Variants in UACA observed in about 807,000 individuals in gnomAD.
UACA encodes uveal autoantigen with coiled-coil domains and ankyrin repeats.
In UACA, 112 loss-of-function variants were observed where a neutral mutation model predicts 160.5. That is an observed-to-expected ratio of 0.70 (90% confidence interval 0.60 to 0.82). The LOEUF is 0.82. Among genes scored for constraint, UACA ranks in the 40% least tolerant of loss-of-function variants. The pLI, the probability that UACA is intolerant of heterozygous loss-of-function variation, is 0.00. For synonymous variants in UACA, 557 were observed against 568.4 expected (o/e 0.98, Z 0.29); for missense variants, 1,574 against 1,614.6 (o/e 0.97, Z 0.43).
chr15:70,684,531 T>C lies in UACA; in HGVS notation c.603-85A>G, dbSNP rs1897639470. On this transcript the variant is annotated intron_variant, in intron 7 of 18. Transcript: ENST00000322954. Reference sequence around the variant, plus strand: ...TATTCTGCCCTATTGTTGAACACTGTCTTAGTGTTCACTGGATAAACTAGA... The same window carrying C: ...TATTCTGCCCTATTGTTGAACACTGCCTTAGTGTTCACTGGATAAACTAGA... The C allele has an allele frequency of 1.3e-4, 175 of 1,345,184 alleles. 1 individual carries two copies. In the South Asian group the frequency reaches 2.5e-3, roughly 19 times the overall value. The allele number at this position is 1,345,184 out of a possible 1,614,324, so 83.3% of individuals were successfully genotyped here. A position where few individuals can be genotyped will look rare whatever the true frequency, so the allele number is the denominator to read the frequency against.
chr15:70,763,313 C>T lies in UACA; in HGVS notation c.78+17G>A. The T allele has an allele frequency of 7.5e-7, 1 of 1,327,094 alleles. No individual in the cohort carries two copies. The highest frequency in any genetic ancestry group is 4.2e-5 in the Admixed American group (1 of 24,066). The allele number at this position is 1,327,094 out of a possible 1,614,324, so 82.2% of individuals were successfully genotyped here. On this transcript the variant is annotated intron_variant, in intron 1 of 18. Transcript: ENST00000322954. ...TCCCGGAGCGGAGCGCCTCGCAGCC[C>T]GGACCGCGGGACTCACCGCGCTGGC... is the stretch of plus-strand genomic sequence containing the variant.
chr15:70,656,353 A>C lies in UACA; in HGVS notation c.*703T>G, dbSNP rs1241388071. On this transcript the variant is annotated 3_prime_UTR_variant, in exon 19 of 19. Transcript: ENST00000322954. ...ATATTGTGGCAAGAATAGTCACCGCAAGTAAAAATTAAGATACTGTTGTAG... is the reference window on the plus strand; with the variant it reads ...ATATTGTGGCAAGAATAGTCACCGCCAGTAAAAATTAAGATACTGTTGTAG... 1 of 152,168 alleles carries C rather than the reference A, an allele frequency of 6.6e-6. No homozygotes were observed. The highest frequency in any genetic ancestry group is 2.4e-5 in the African/African-American group (1 of 41,436). The allele number at this position is 152,168 out of a possible 1,614,324, so 9.4% of individuals were successfully genotyped here.
intron 1 of UACA, among the ~76,000 whole-genome samples, chr15:70,718,222 T>C (rs1039507726): frequency 1.7e-5 from 2 of 118,928 alleles, no homozygotes; most frequent in African/African-American, 6.4e-5. Context: ...CCTGCTTCCT[T>C]ACAAGGTGAG....
chr15:70,656,977 C>T lies in UACA; in HGVS notation c.*79G>A. The T allele has an allele frequency of 8.6e-7, 1 of 1,167,618 alleles. No individual in the cohort carries two copies. The highest frequency in any genetic ancestry group is 1.3e-6 in the Non-Finnish European group (1 of 782,902). The allele number at this position is 1,167,618 out of a possible 1,614,324, so 72.3% of individuals were successfully genotyped here. On this transcript the variant is annotated 3_prime_UTR_variant, in exon 19 of 19. Transcript: ENST00000322954. ...TTTTAATTATACCAGCACAGTAAGGCCCAGAAAGACCATGGAGTTGCACAA... is the reference window on the plus strand; with the variant it reads ...TTTTAATTATACCAGCACAGTAAGGTCCAGAAAGACCATGGAGTTGCACAA...
intron 1 of UACA, among the ~76,000 whole-genome samples, chr15:70,755,330 T>C (rs758954280): frequency 3.3e-5 from 5 of 151,830 alleles, no homozygotes; most frequent in Admixed American, 6.6e-5. Context: ...TGAACAGTGA[T>C]CTAAACTTGT....
intron 1 of UACA, among the ~76,000 whole-genome samples, chr15:70,752,914 A>G (rs2030177340): frequency 6.6e-6 from 1 of 152,232 alleles, no homozygotes; most frequent in Admixed American, 6.5e-5. Context: ...AATTCAAAAC[A>G]AAAGTTATAA....
intron 1 of UACA, among the ~76,000 whole-genome samples, chr15:70,708,593 G>A (rs1469805346): frequency 2.6e-5 from 4 of 151,542 alleles, no homozygotes; most frequent in East Asian, 3.9e-4. Context: ...TCAGCCTCCC[G>A]AGTAGCTGGG....
intron 3 of UACA, among the ~76,000 whole-genome samples, chr15:70,694,049 A>G (rs552627977): frequency 1.3e-5 from 2 of 152,248 alleles, no homozygotes; most frequent in South Asian, 4.1e-4. Flanking sequence ...AAAGTAATGT[A>G]TTTATTTGCC....
chr15:70,727,949 C>G (rs1028540598), intron 1 of UACA, among the ~76,000 whole-genome samples: 1 of 152,114 alleles, frequency 6.6e-6, no homozygotes, highest in Non-Finnish European at 1.5e-5. Context: ...GTAGACAAAC[C>G]GTTTTCATCA....
At position 70,655,632 on chromosome 15, in the gene UACA, A is replaced by G. The variant is rs1316632893; in HGVS notation, c.*1424T>C. On this transcript the variant is annotated 3_prime_UTR_variant, in exon 19 of 19. Coordinates refer to ENST00000322954, the MANE Select transcript of UACA (RefSeq NM_018003.4). ...CATTAATCATAATAATTAAAGAGAC[A>G]GATATTGCTTATGTAAACCGTATAA... The G allele has an allele frequency of 1.3e-5, 2 of 152,244 alleles. No homozygotes were observed. The highest frequency in any genetic ancestry group is 4.8e-5 in the African/African-American group (2 of 41,466). 9.4% of individuals were successfully genotyped at this position (152,244 alleles called of 1,614,324 possible). A position where few individuals can be genotyped will look rare whatever the true frequency, so the allele number is the denominator to read the frequency against.
At chr15:70,683,963 CTCT>C (rs1295179295) in intron 8 of UACA, among the ~76,000 whole-genome samples, 1 of 150,450 alleles carries the variant, frequency 6.6e-6, no homozygotes, top group African/African-American at 2.4e-5. Flanking sequence ...AGGTTCACCC[CTCT>C]TCATCAAAAA....
chr15:70,667,430 A>G lies in UACA; in HGVS notation c.3254T>C (p.Val1085Ala). ...ATTTTCTTCTACTAGCTTCTCTTTCACATTCTTTACTTCCGTGTATTTCTG... is the reference window on the plus strand; with the variant it reads ...ATTTTCTTCTACTAGCTTCTCTTTCGCATTCTTTACTTCCGTGTATTTCTG... ...LSQKYTEVKN[V>A]KEKLVEENAK... is the part of the protein sequence containing the mutation. The change falls in exon 16 of 19, where the codon GTG becomes GCG. Residue 1085 changes from valine to alanine, a missense_variant. Transcript: ENST00000322954. 1 of 1,610,142 alleles carries G rather than the reference A, an allele frequency of 6.2e-7. No individual in the cohort carries two copies. The highest frequency in any genetic ancestry group is 8.5e-7 in the Non-Finnish European group (1 of 1,179,632).
intron 9 of UACA, among the ~76,000 whole-genome samples, chr15:70,682,196 G>A (rs1324414153): frequency 6.6e-6 from 1 of 152,166 alleles, no homozygotes; most frequent in Non-Finnish European, 1.5e-5. Flanking sequence ...AATAATAAAT[G>A]TAGTGCAAAG....
chr15:70,727,422 T>C (rs1158077239), intron 1 of UACA, among the ~76,000 whole-genome samples: 1 of 152,054 alleles, frequency 6.6e-6, no homozygotes, highest in Non-Finnish European at 1.5e-5. Flanking sequence ...AAAGCAAAAA[T>C]AGTTCACTTT....
At chr15:70,677,288 G>A in intron 11 of UACA, 148 bp from the exon 12 acceptor site, 3 of 562,588 alleles carry the variant, frequency 5.3e-6, no homozygotes, top group Non-Finnish European at 9.4e-6. Flanking sequence ...CAATTCTGTT[G>A]TATGAGTTGT....
chr15:70,686,737 G>A (rs781703163), intron 7 of UACA, among the ~76,000 whole-genome samples: 3 of 151,892 alleles, frequency 2.0e-5, no homozygotes, highest in Non-Finnish European at 4.4e-5. Context: ...ATACATGTTT[G>A]GAAGAATAAA....
chr15:70,678,263 A>C, intron 10 of UACA, 57 bp from the exon 11 acceptor site: 1 of 1,330,810 alleles, frequency 7.5e-7, no homozygotes, highest in Non-Finnish European at 1.0e-6. Flanking sequence ...AAATTCTTAA[A>C]GGAGAAATTT....
intron 18 of UACA, 85 bp downstream of exon 18, chr15:70,660,066 A>C: frequency 9.2e-7 from 1 of 1,091,594 alleles, no homozygotes; most frequent in Non-Finnish European, 1.3e-6. Flanking sequence ...TTTAAACATC[A>C]ATTACTTTCA....
In UACA at chr15:70,660,134, G is replaced by A; in HGVS notation, c.4179+17C>T. ...CTCTAAAGCAATATTCTTTCCAAAG[G>A]AGAAGTAGTTCTTTACCTGTGCAGC... is the stretch of plus-strand genomic sequence containing the variant. On this transcript the variant is annotated intron_variant, in intron 18 of 18. Coordinates refer to ENST00000322954, the MANE Select transcript of UACA (RefSeq NM_018003.4). 2 of 1,592,702 alleles carry A rather than the reference G, an allele frequency of 1.3e-6. No homozygotes were observed. The highest frequency in any genetic ancestry group is 1.7e-4 in the Middle Eastern group (1 of 5,964).
Sources: gnomAD v4.1 joint callset for allele counts (sites outside exome capture counted in the v4.1 genomes callset) on GRCh38, gnomAD v4.1.1 for gene constraint, MANE v1.5 for transcripts, NCBI Gene and HGNC (gene_info 2026-07-23, HGNC 2026-07-21) for gene names.